Variants in TTLL11 observed in about 807,000 individuals in gnomAD.
TTLL11 encodes tubulin tyrosine ligase like 11.
A neutral mutation model predicts 51.7 loss-of-function variants in TTLL11; 42 were observed. That is an observed-to-expected ratio of 0.81 (90% CI 0.64 to 1.05). The LOEUF (loss-of-function observed/expected upper bound fraction) is 1.05. Among genes scored for constraint, TTLL11 ranks in the 50% least tolerant of loss-of-function variants. The pLI is 0.00. For synonymous variants in TTLL11, 381 were observed against 383.5 expected, an observed-to-expected ratio of 0.99 and a Z score of 0.08; for missense variants, 799 against 940.4, an observed-to-expected ratio of 0.85 and a Z score of 1.97.
intron 3 of TTLL11, among the ~76,000 whole-genome samples, chr9:122,000,386 G>A (rs1006754991): frequency 6.7e-6 from 1 of 150,190 alleles, no homozygotes; most frequent in African/African-American, 2.5e-5. Context: ...GCAGGAGAAT[G>A]GTGTGAACCC....
At chr9:122,009,162 A>G (rs1843731370) in intron 3 of TTLL11, among the ~76,000 whole-genome samples, 1 of 152,202 alleles carries the variant, frequency 6.6e-6, no homozygotes, top group African/African-American at 2.4e-5. Context: ...GAAAATTGCT[A>G]CTAAGAGAGT....
chr9:121,997,058 G>A (rs1311485733), intron 3 of TTLL11, among the ~76,000 whole-genome samples: 3 of 152,306 alleles, frequency 2.0e-5, no homozygotes, highest in Middle Eastern at 3.4e-3. Context: ...GAAAACTTGA[G>A]GGGCAAGGAA....
chr9:122,057,550 C>T (rs1845324958), intron 1 of TTLL11, among the ~76,000 whole-genome samples: 1 of 152,134 alleles, frequency 6.6e-6, no homozygotes, highest in Non-Finnish European at 1.5e-5. Context: ...TGGTCTCGAA[C>T]TCCTGGCCTC....
chr9:121,967,373 C>T (rs1473201550), intron 6 of TTLL11, among the ~76,000 whole-genome samples: 2 of 151,722 alleles, frequency 1.3e-5, no homozygotes, highest in Admixed American at 6.6e-5. Flanking sequence ...TACAGGTGCC[C>T]ACCACCAGGC....
chr9:121,912,632 C>T (rs568865166), intron 6 of TTLL11, among the ~76,000 whole-genome samples: 1 of 152,038 alleles, frequency 6.6e-6, no homozygotes, highest in African/African-American at 2.4e-5. Flanking sequence ...TGTCTCAATA[C>T]CCTATTGGAT....
At chr9:121,952,881 CTT>C (rs1841895282) in intron 6 of TTLL11, among the ~76,000 whole-genome samples, 1 of 152,132 alleles carries the variant, frequency 6.6e-6, no homozygotes, top group South Asian at 2.1e-4. Flanking sequence ...CCCAGCAGCA[CTT>C]TTTTCATAAT....
rs369613004 is a variant in TTLL11 at position 121,978,265 on chromosome 9, G to C, written c.1270-3286C>G. 1.6e-4 allele frequency among the ~76,000 whole-genome samples: 25 copies of C among 152,244 alleles called. 2 individuals carry two copies. In the East Asian group the frequency reaches 2.9e-3, roughly 18 times the overall value. Reference sequence around the variant, plus strand: ...AATAAACAGAATCACAGAACTGGGAGATATGTAGAGTTATCTTGTCATAAA... The same window carrying C: ...AATAAACAGAATCACAGAACTGGGACATATGTAGAGTTATCTTGTCATAAA... On this transcript the variant is annotated intron_variant, in intron 4 of 8. Coordinates refer to ENST00000321582, the MANE Select transcript of TTLL11 (RefSeq NM_001139442.2).
At chr9:121,976,598 G>T (rs1842717540) in intron 4 of TTLL11, among the ~76,000 whole-genome samples, 1 of 152,096 alleles carries the variant, frequency 6.6e-6, no homozygotes, top group African/African-American at 2.4e-5. Context: ...GGAAAGATGA[G>T]GGAAATCCAT....
intron 3 of TTLL11, among the ~76,000 whole-genome samples, chr9:122,014,300 G>A (rs1184600302): frequency 1.3e-5 from 2 of 152,032 alleles, no homozygotes; most frequent in Admixed American, 6.5e-5. Flanking sequence ...AGGAGGCAGA[G>A]GTTGCAGTGA....
At chr9:121,974,151 C>T in intron 5 of TTLL11, 27 bp from the exon 6 acceptor site, 1 of 1,517,796 alleles carries the variant, frequency 6.6e-7, no homozygotes, top group South Asian at 1.2e-5. Context: ...TTCTGTGTCA[C>T]AGTGGAGACC....
At chr9:121,997,273 C>T (rs1843304278) in intron 3 of TTLL11, among the ~76,000 whole-genome samples, 1 of 152,202 alleles carries the variant, frequency 6.6e-6, no homozygotes, top group South Asian at 2.1e-4. Context: ...CCATTTTCCT[C>T]TCAGGTCCCT....
At chr9:122,090,832 G>A (rs1422368825) in intron 1 of TTLL11, among the ~76,000 whole-genome samples, 1 of 152,080 alleles carries the variant, frequency 6.6e-6, no homozygotes, top group Admixed American at 6.5e-5. Flanking sequence ...AAATACCAAG[G>A]GCTGGAGATT....
rs144381653 is a variant in TTLL11 at position 121,881,990 on chromosome 9, C to T, written c.1482-11242G>A. Among the ~76,000 whole-genome samples, 61 of 152,280 alleles carry T rather than the reference C, an allele frequency of 4.0e-4. 2 individuals are homozygous for T. In the East Asian group the frequency reaches 0.011, roughly 28 times the overall value. On this transcript the variant is annotated intron_variant, in intron 6 of 8. Transcript: ENST00000321582. ...TCTTATCCTGCTCATGCCTTGATGT[C>T]TTCATCTGTATAATAGGGATAATAA...
chr9:122,056,783 C>T (rs1845300452), intron 1 of TTLL11, among the ~76,000 whole-genome samples: 1 of 152,214 alleles, frequency 6.6e-6, no homozygotes, highest in South Asian at 2.1e-4. Flanking sequence ...TCAAGCCTCA[C>T]CTCCTGATAT....
At chr9:121,984,649 C>T (rs1266314469) in intron 4 of TTLL11, among the ~76,000 whole-genome samples, 1 of 151,514 alleles carries the variant, frequency 6.6e-6, no homozygotes. Flanking sequence ...AGGAGGAGGT[C>T]AAAAAAACAA....
intron 4 of TTLL11, among the ~76,000 whole-genome samples, chr9:121,978,014 T>C (rs1032973719): frequency 1.3e-5 from 2 of 152,166 alleles, no homozygotes; most frequent in African/African-American, 4.8e-5. Context: ...TCCCAAGAAC[T>C]ATTCTAGCTG....
intron 1 of TTLL11, among the ~76,000 whole-genome samples, chr9:122,039,889 CACACACACACACACAT>C (rs1844797318): frequency 1.3e-5 from 2 of 151,494 alleles, no homozygotes; most frequent in African/African-American, 4.9e-5. Context: ...CTCTCTCTCA[CACACACACACACACAT>C]ACACACACAC....
intron 6 of TTLL11, among the ~76,000 whole-genome samples, chr9:121,897,443 C>A (rs1047046249): frequency 6.6e-6 from 1 of 152,130 alleles, no homozygotes; most frequent in Non-Finnish European, 1.5e-5. Context: ...TCTCTCTCTT[C>A]TCTCCAGATA....
intron 1 of TTLL11, among the ~76,000 whole-genome samples, chr9:122,071,758 G>A (rs557030395): frequency 4.6e-5 from 7 of 152,274 alleles, no homozygotes; most frequent in South Asian, 2.1e-4. Context: ...CTCACTCAGA[G>A]GGTTGCGGGA....
Sources: allele counts gnomAD v4.1 joint callset (sites outside exome capture counted in the v4.1 genomes callset), GRCh38; gene constraint gnomAD v4.1.1; transcripts MANE v1.5; gene names NCBI Gene and HGNC (gene_info 2026-07-23, HGNC 2026-07-21).